Variants in GALNT18 observed in about 807,000 individuals in gnomAD.
GALNT18 encodes GalNAc-transferase 18.
Under a neutral mutation model 69.5 loss-of-function variants are expected in GALNT18, and 44 were observed. The ratio of observed to expected loss-of-function variants is 0.63; its 90% confidence interval spans 0.50 to 0.81. The LOEUF (loss-of-function observed/expected upper bound fraction) is 0.81. Ranked by LOEUF, GALNT18 falls within the 40% of genes least tolerant of loss-of-function variation. The pLI, the probability that GALNT18 is intolerant of heterozygous loss-of-function variation, is 0.00. For missense variants in GALNT18, 715 were observed against 810.0 expected, an observed-to-expected ratio of 0.88 and a Z score of 1.42; for synonymous variants, 364 against 318.2, an observed-to-expected ratio of 1.14 and a Z score of -1.53.
In GALNT18 at chr11:11,500,576, G is replaced by A. The variant is rs567197506; in HGVS notation, c.236-51640C>T. Among the ~76,000 whole-genome samples, 11 of 152,210 alleles carry A rather than the reference G, an allele frequency of 7.2e-5. No individual in the cohort carries two copies. In the South Asian group the frequency reaches 1.2e-3, roughly 17 times the overall value. ...GGCAGCAGGGATGCTGGCAAGCACC[G>A]GTCATCATCCTGCAGGATACAGGAC... is the stretch of plus-strand genomic sequence containing the variant. On this transcript the variant is annotated intron_variant, in intron 1 of 10. Coordinates refer to ENST00000227756, the MANE Select transcript of GALNT18 (RefSeq NM_198516.3). The surrounding 1 kb of genome is among the most constrained non-coding windows in gnomAD (Gnocchi z 5.0).
intron 10 of GALNT18, among the ~76,000 whole-genome samples, chr11:11,285,351 T>C (rs1849173172): frequency 6.6e-6 from 1 of 152,204 alleles, no homozygotes; most frequent in Non-Finnish European, 1.5e-5. Context: ...AAGTACCTTA[T>C]AGCGCTATCA....
At chr11:11,317,472 C>T (rs1260530221) in intron 9 of GALNT18, among the ~76,000 whole-genome samples, 4 of 152,142 alleles carry the variant, frequency 2.6e-5, no homozygotes, top group Non-Finnish European at 4.4e-5. Context: ...TTTTGATTTG[C>T]ATTTCTCTGA....
intron 1 of GALNT18, among the ~76,000 whole-genome samples, chr11:11,609,906 C>A (rs1859853762): frequency 1.3e-5 from 2 of 152,184 alleles, no homozygotes; most frequent in South Asian, 2.1e-4. Context: ...CCCTACCCCA[C>A]CCCATGCCCT....
At chr11:11,316,999 G>A (rs1222221148) in intron 9 of GALNT18, among the ~76,000 whole-genome samples, 2 of 152,200 alleles carry the variant, frequency 1.3e-5, no homozygotes, top group Non-Finnish European at 2.9e-5. Context: ...AAGACCTGGT[G>A]GGGAGACCCC....
chr11:11,598,433 T>A lies in GALNT18; in HGVS notation c.235+22926A>T, dbSNP rs1035973636. Among the ~76,000 whole-genome samples, 1 of 152,150 alleles carries A rather than the reference T, an allele frequency of 6.6e-6. No homozygotes were observed. The highest frequency in any genetic ancestry group is 1.5e-5 in the Non-Finnish European group (1 of 68,024). On this transcript the variant is annotated intron_variant, in intron 1 of 10. Transcript: ENST00000227756. This position sits in a 1 kb window ranked among gnomAD's most constrained non-coding sequence, Gnocchi z 4.8. ...TCCAGCTCCTGGTAGCTGCCAGCAT[T>A]CCTTGATTTGTGATTGCATCACTCC...
rs142196339 is a variant in GALNT18 at position 11,523,515 on chromosome 11, C to T, written c.236-74579G>A. 4.2e-3 allele frequency among the ~76,000 whole-genome samples: 633 copies of T among 151,970 alleles called. 1 individual carries two copies. The highest frequency in any genetic ancestry group is 5.2e-3 in the South Asian group (25 of 4,806). On this transcript the variant is annotated intron_variant, in intron 1 of 10. Coordinates refer to ENST00000227756, the MANE Select transcript of GALNT18 (RefSeq NM_198516.3). This position sits in a 1 kb window ranked among gnomAD's most constrained non-coding sequence, Gnocchi z 4.3. Reference sequence around the variant, plus strand: ...CGGGTGGATCATGAGGTCAGGAGATCGAGACCATCTTGGCTAACACAGTGA... The same window carrying T: ...CGGGTGGATCATGAGGTCAGGAGATTGAGACCATCTTGGCTAACACAGTGA...
rs777346487 is a variant in GALNT18, at chr11:11,496,472, G to T, written c.236-47536C>A. On this transcript the variant is annotated intron_variant, in intron 1 of 10. Transcript: ENST00000227756. This position sits in a 1 kb window ranked among gnomAD's most constrained non-coding sequence, Gnocchi z 4.0. ...GTACATTGCTATCAACTCCAATAAT[G>T]GGGCATGCTGGAAAAATAAAACAGA... Among the ~76,000 whole-genome samples, 1 of 152,118 alleles carries T rather than the reference G, an allele frequency of 6.6e-6. No homozygotes were observed. Among genetic ancestry groups the T allele is most frequent in the Non-Finnish European group, 1.5e-5 (1 of 68,020 alleles).
At chr11:11,565,514 G>A (rs1313889802) in intron 1 of GALNT18, among the ~76,000 whole-genome samples, 2 of 152,186 alleles carry the variant, frequency 1.3e-5, no homozygotes, top group Non-Finnish European at 2.9e-5. Flanking sequence ...GCAAGCACTG[G>A]GAAAGGAAGG....
intron 3 of GALNT18, among the ~76,000 whole-genome samples, chr11:11,410,645 G>A (rs1383731244): frequency 1.3e-5 from 2 of 152,148 alleles, no homozygotes; most frequent in Non-Finnish European, 2.9e-5. Flanking sequence ...TGACACACCT[G>A]AAAGTCTGCT....
chr11:11,614,944 T>C lies in GALNT18; in HGVS notation c.235+6415A>G, dbSNP rs1253521094. Among the ~76,000 whole-genome samples, 1 of 152,236 alleles carries C rather than the reference T, an allele frequency of 6.6e-6. No homozygotes were observed. The highest frequency in any genetic ancestry group is 1.5e-5 in the Non-Finnish European group (1 of 68,042). On this transcript the variant is annotated intron_variant, in intron 1 of 10. Transcript: ENST00000227756. The surrounding 1 kb of genome is among the most constrained non-coding windows in gnomAD (Gnocchi z 5.6). ...TGGTCACGGGGAAAAGTTGTGTCCT[T>C]TGGCAAGGCTTTTCTTCTTCATAAA...
At chr11:11,501,861 GC>G (rs1165451664) in intron 1 of GALNT18, among the ~76,000 whole-genome samples, 2 of 152,206 alleles carry the variant, frequency 1.3e-5, no homozygotes, top group Non-Finnish European at 2.9e-5. Flanking sequence ...GGAAGGTTCT[GC>G]CCTCTTAGCT....
chr11:11,617,956 T>C lies in GALNT18; in HGVS notation c.235+3403A>G, dbSNP rs569649678. Among the ~76,000 whole-genome samples the C allele has an allele frequency of 6.6e-6, 1 of 152,268 alleles. No homozygotes were observed. The highest frequency in any genetic ancestry group is 2.4e-5 in the African/African-American group (1 of 41,550). ...TTAAAAACTCATAAGTTATCCACCC[T>C]CTCATTTAACGTCTATTTGGTCAAA... On this transcript the variant is annotated intron_variant, in intron 1 of 10. Transcript: ENST00000227756. The surrounding 1 kb of genome is among the most constrained non-coding windows in gnomAD (Gnocchi z 4.7).
chr11:11,504,371 T>C (rs1337046271), intron 1 of GALNT18, among the ~76,000 whole-genome samples: 1 of 152,130 alleles, frequency 6.6e-6, no homozygotes, highest in Non-Finnish European at 1.5e-5. Flanking sequence ...CCTGACTCCC[T>C]GAAGTTCTAG....
At chr11:11,479,972 G>A (rs1034088650) in intron 1 of GALNT18, among the ~76,000 whole-genome samples, 3 of 152,140 alleles carry the variant, frequency 2.0e-5, no homozygotes, top group Admixed American at 6.5e-5. Flanking sequence ...AGGAGTGATA[G>A]AGAAGATGAG....
intron 10 of GALNT18, among the ~76,000 whole-genome samples, chr11:11,284,146 T>A (rs1849143082): frequency 6.6e-6 from 1 of 152,210 alleles, no homozygotes. Flanking sequence ...CATAGAGAAC[T>A]GTGCGTAGAC....
intron 1 of GALNT18, among the ~76,000 whole-genome samples, chr11:11,504,646 T>C (rs1857036298): frequency 6.6e-6 from 1 of 151,974 alleles, no homozygotes; most frequent in African/African-American, 2.4e-5. Flanking sequence ...TAGTCCCAGC[T>C]ACTCAGGAGG....
chr11:11,333,221 G>A (rs1329233026), intron 7 of GALNT18, among the ~76,000 whole-genome samples: 5 of 151,988 alleles, frequency 3.3e-5, no homozygotes, highest in Non-Finnish European at 7.4e-5. Context: ...AGGGGGGAAG[G>A]AAAAAGCATT....
intron 1 of GALNT18, among the ~76,000 whole-genome samples, chr11:11,588,539 T>A (rs1859278527): frequency 6.6e-6 from 1 of 152,196 alleles, no homozygotes; most frequent in Admixed American, 6.5e-5. Flanking sequence ...CTCCACAGTA[T>A]CCTTTTCTTC....
chr11:11,471,005 A>G (rs1270162490), intron 1 of GALNT18, among the ~76,000 whole-genome samples: 2 of 151,948 alleles, frequency 1.3e-5, no homozygotes, highest in Non-Finnish European at 1.5e-5. Flanking sequence ...TTTCTCCTGT[A>G]TCTTCCTTCC....
Sources: allele counts gnomAD v4.1 joint callset (sites outside exome capture counted in the v4.1 genomes callset), GRCh38; gene constraint gnomAD v4.1.1; non-coding constraint Gnocchi (gnomAD v3.1); transcripts MANE v1.5; gene names NCBI Gene and HGNC (gene_info 2026-07-23, HGNC 2026-07-21).